Variants in CYSLTR2 observed in about 807,000 individuals in gnomAD.
CYSLTR2 encodes cysteinyl leukotriene receptor 2.
For missense variants in CYSLTR2, 398 were observed against 411.9 expected, an observed-to-expected ratio of 0.97 and a Z score of 0.29; for synonymous variants, 179 against 160.8, an observed-to-expected ratio of 1.11 and a Z score of -0.86.
chr13:48,680,371 G>T (rs945523144), intron 1 of CYSLTR2, among the ~76,000 whole-genome samples: 3 of 152,166 alleles, frequency 2.0e-5, no homozygotes, highest in African/African-American at 7.2e-5. Context: ...GTGAAATCAG[G>T]AACAGTTGCA....
chr13:48,669,237 G>A (rs1195122729), intron 1 of CYSLTR2, among the ~76,000 whole-genome samples: 3 of 151,766 alleles, frequency 2.0e-5, no homozygotes, highest in Non-Finnish European at 4.4e-5. Context: ...CAGTGTAAGA[G>A]CATTCCTATT....
At chr13:48,656,950 T>C (rs1953012757) in intron 1 of CYSLTR2, among the ~76,000 whole-genome samples, 1 of 152,242 alleles carries the variant, frequency 6.6e-6, no homozygotes, top group African/African-American at 2.4e-5. Flanking sequence ...TAGCACTGTA[T>C]TTCTTTATTT....
intron 4 of CYSLTR2, among the ~76,000 whole-genome samples, chr13:48,696,856 C>T (rs1047993850): frequency 6.6e-6 from 1 of 151,370 alleles, no homozygotes; most frequent in Non-Finnish European, 1.5e-5. Context: ...GCACATGGCT[C>T]GGAGGGTCCC....
At position 48,690,444 on chromosome 13, in the gene CYSLTR2, T is replaced by C. The variant is rs146744538; in HGVS notation, c.-265-768T>C. ...TTATGTTTCATCAATATCTAGTTTA[T>C]TGAGAGTTTTTAGCATAAAGGGGTG... On this transcript the variant is annotated intron_variant, in intron 1 of 4. Coordinates refer to ENST00000682523, the MANE Select transcript of CYSLTR2 (RefSeq NM_001308476.3). Among the ~76,000 whole-genome samples, 1,036 of 152,322 alleles carry C rather than the reference T, an allele frequency of 6.8e-3. 10 individuals are homozygous for C. The highest frequency in any genetic ancestry group is 0.023 in the African/African-American group (964 of 41,572).
chr13:48,661,311 T>G (rs985486671), intron 1 of CYSLTR2, among the ~76,000 whole-genome samples: 1 of 152,090 alleles, frequency 6.6e-6, no homozygotes, highest in African/African-American at 2.4e-5. Flanking sequence ...CATTTTCCCA[T>G]GGTCATAGAG....
intron 1 of CYSLTR2, among the ~76,000 whole-genome samples, chr13:48,661,659 G>T (rs1268371977): frequency 6.6e-6 from 1 of 152,176 alleles, no homozygotes; most frequent in Admixed American, 6.5e-5. Context: ...GTAAGTGGCA[G>T]ATGTGGCCTG....
At chr13:48,681,151 C>T (rs1263289857) in intron 1 of CYSLTR2, among the ~76,000 whole-genome samples, 3 of 152,082 alleles carry the variant, frequency 2.0e-5, no homozygotes, top group Non-Finnish European at 4.4e-5. Context: ...ATGTAGCCCC[C>T]TGTGGGGCCT....
intron 1 of CYSLTR2, among the ~76,000 whole-genome samples, chr13:48,673,298 G>T (rs939607002): frequency 1.3e-5 from 2 of 152,100 alleles, no homozygotes; most frequent in Non-Finnish European, 2.9e-5. Context: ...CCTGTATTGG[G>T]TGCATATATA....
chr13:48,656,076 T>TAA (rs67558969), intron 1 of CYSLTR2, among the ~76,000 whole-genome samples: 11,219 of 152,108 alleles, frequency 0.074, 799 homozygotes, highest in African/African-American at 0.18. Flanking sequence ...TCAAGAAAGA[T>TAA]AAAAAAACCA....
At chr13:48,678,298 G>A (rs143500625) in intron 1 of CYSLTR2, among the ~76,000 whole-genome samples, 1 of 152,060 alleles carries the variant, frequency 6.6e-6, no homozygotes, top group African/African-American at 2.4e-5. Context: ...CATGACCACC[G>A]GACTGGGTCC....
intron 4 of CYSLTR2, among the ~76,000 whole-genome samples, chr13:48,704,490 C>T (rs1954431897): frequency 6.7e-6 from 1 of 150,302 alleles, no homozygotes; most frequent in African/African-American, 2.4e-5. Flanking sequence ...GATTTCTGCT[C>T]TTTACTATCT....
At chr13:48,656,651 A>G (rs1366495957) in intron 1 of CYSLTR2, among the ~76,000 whole-genome samples, 2 of 152,238 alleles carry the variant, frequency 1.3e-5, no homozygotes, top group African/African-American at 4.8e-5. Flanking sequence ...ATTGCTGTGT[A>G]CATGAGTACA....
At chr13:48,700,727 G>T (rs1478655370) in intron 4 of CYSLTR2, among the ~76,000 whole-genome samples, 1 of 152,184 alleles carries the variant, frequency 6.6e-6, no homozygotes, top group African/African-American at 2.4e-5. Flanking sequence ...AAGTCAAATT[G>T]TCACTGTTTG....
In CYSLTR2 at chr13:48,698,685, T is replaced by A. The variant is rs1248815502; in HGVS notation, c.-2+2059T>A. ...CACACATAACAATATTAACCTCAAATGTAAATGGGCTAAGTGCTCTAATTA... is the reference window on the plus strand; with the variant it reads ...CACACATAACAATATTAACCTCAAAAGTAAATGGGCTAAGTGCTCTAATTA... On this transcript the variant is annotated intron_variant, in intron 4 of 4. Transcript: ENST00000682523. 2.0e-5 allele frequency among the ~76,000 whole-genome samples: 3 copies of A among 152,114 alleles called. No homozygotes were observed. In the East Asian group the frequency reaches 5.8e-4, roughly 29 times the overall value.
intron 1 of CYSLTR2, among the ~76,000 whole-genome samples, chr13:48,674,269 T>A (rs564923477): frequency 1.3e-5 from 2 of 152,332 alleles, no homozygotes; most frequent in Admixed American, 1.3e-4. Flanking sequence ...CAATCAGATG[T>A]AGGTTTGGTC....
intron 1 of CYSLTR2, among the ~76,000 whole-genome samples, chr13:48,663,626 A>T (rs558810489): frequency 1.6e-3 from 239 of 151,440 alleles, no homozygotes; most frequent in African/African-American, 5.6e-3. Context: ...CCCTCTTGAT[A>T]TTTTTTTTCC....
Position 48,707,808 on chromosome 13 carries a change from A to C in CYSLTR2, c.991A>C (p.Lys331Gln). Reference protein sequence around the residue: ...RKGHPQKAKTKCVFPVSVWLR... With the variant: ...RKGHPQKAKTQCVFPVSVWLR... ...AGGCCATCCACAGAAGGCAAAGACAAAGTGTGTTTTCCCTGTTAGTGTGTG... is the reference window on the plus strand; with the variant it reads ...AGGCCATCCACAGAAGGCAAAGACACAGTGTGTTTTCCCTGTTAGTGTGTG... Residue 331 changes from lysine to glutamine, a missense_variant, in exon 5 of 5, where the codon AAG becomes CAG. By Grantham distance (53) the Lys-to-Gln change is moderately conservative (BLOSUM62 1). Transcript: ENST00000682523. 1.9e-6 allele frequency: 3 copies of C among 1,551,754 alleles called. No homozygotes were observed. Among genetic ancestry groups the C allele is most frequent in the Non-Finnish European group, 2.6e-6 (3 of 1,150,490 alleles).
intron 1 of CYSLTR2, among the ~76,000 whole-genome samples, chr13:48,683,903 C>T (rs1249692674): frequency 6.6e-6 from 1 of 152,098 alleles, no homozygotes; most frequent in Non-Finnish European, 1.5e-5. Flanking sequence ...TCTTCCAGTT[C>T]ATAATCCATA....
At chr13:48,687,562 A>G (rs1953929086) in intron 1 of CYSLTR2, among the ~76,000 whole-genome samples, 1 of 152,084 alleles carries the variant, frequency 6.6e-6, no homozygotes, top group Admixed American at 6.6e-5. Context: ...ATTATCTATC[A>G]TCTATCTATC....
Sources: allele counts gnomAD v4.1 joint callset (sites outside exome capture counted in the v4.1 genomes callset), GRCh38; gene constraint gnomAD v4.1.1; transcripts MANE v1.5; gene names NCBI Gene and HGNC (gene_info 2026-07-23, HGNC 2026-07-21).